Variants in DMD observed in about 807,000 individuals in gnomAD.
DMD encodes mutant dystrophin.
DMD carries 63 observed loss-of-function variants against 330.1 expected under a neutral mutation model. The observed-to-expected ratio is 0.19, with a 90% CI of 0.16 to 0.24. The LOEUF is 0.24. Ranked by LOEUF, DMD falls within the 10% of genes least tolerant of loss-of-function variation. DMD has a pLI of 1.00. For missense variants in DMD, 3,344 were observed against 2,684.1 expected, an observed-to-expected ratio of 1.25 and a Z score of -5.43; for synonymous variants, 1,223 against 959.8, an observed-to-expected ratio of 1.27 and a Z score of -5.07.
At chrX:31,940,631 A>C (rs776923739) in intron 45 of DMD, among the ~76,000 whole-genome samples, 1 of 110,894 alleles carries the variant, frequency 9.0e-6, no homozygotes, top group Non-Finnish European at 1.9e-5. Context: ...AATTTTTGTA[A>C]AGTTTGCATG....
At chrX:32,184,074 G>A (rs2096937103) in intron 44 of DMD, among the ~76,000 whole-genome samples, 2 of 109,789 alleles carry the variant, frequency 1.8e-5, no homozygotes, top group Non-Finnish European at 3.8e-5. Flanking sequence ...TGTAAATATC[G>A]ATATCTTAAA....
At chrX:32,560,475 T>C (rs2050864216) in intron 16 of DMD, among the ~76,000 whole-genome samples, 1 of 110,834 alleles carries the variant, frequency 9.0e-6, no homozygotes, top group African/African-American at 3.3e-5. Context: ...GTACACGTAT[T>C]GGATGTGTAG....
chrX:31,301,986 C>T (rs745822534), intron 62 of DMD, among the ~76,000 whole-genome samples: 1 of 111,494 alleles, frequency 9.0e-6, no homozygotes, highest in Non-Finnish European at 1.9e-5. Context: ...ATGCCTCTGC[C>T]CGACACTCAA....
At chrX:32,357,660 T>TACACACACACACACACACAC (rs3044986) in intron 37 of DMD, among the ~76,000 whole-genome samples, 16 of 94,866 alleles carry the variant, frequency 1.7e-4, no homozygotes, top group African/African-American at 5.1e-4. Context: ...CATACACAGA[T>TACACACACACACACACACAC]ACACACACAC....
chrX:32,375,750 T>C (rs1348313495), intron 34 of DMD, among the ~76,000 whole-genome samples: 2 of 111,733 alleles, frequency 1.8e-5, no homozygotes, highest in African/African-American at 6.5e-5. Flanking sequence ...AACTAAATAA[T>C]GTATATTTCT....
intron 2 of DMD, among the ~76,000 whole-genome samples, chrX:32,851,559 G>A (rs758336409): frequency 2.7e-5 from 3 of 112,352 alleles, no homozygotes; most frequent in South Asian, 3.7e-4. Context: ...TGAACAGATA[G>A]CCACACAAGC....
At chrX:31,889,788 A>G (rs1603540436) in intron 47 of DMD, among the ~76,000 whole-genome samples, 1 of 109,301 alleles carries the variant, frequency 9.1e-6, no homozygotes, top group African/African-American at 3.3e-5. Flanking sequence ...AGCACTAAAC[A>G]AGGGCTACTT....
chrX:32,033,828 T>C (rs1453280907), intron 44 of DMD, among the ~76,000 whole-genome samples: 1 of 111,832 alleles, frequency 8.9e-6, no homozygotes, highest in East Asian at 2.8e-4. Context: ...TTATACCTTA[T>C]AAATATTAAA....
At chrX:32,981,552 T>C (rs1436070767) in intron 2 of DMD, among the ~76,000 whole-genome samples, 2 of 111,915 alleles carry the variant, frequency 1.8e-5, no homozygotes, top group African/African-American at 6.5e-5. Context: ...CTTATTAATA[T>C]TAATCCCCTA....
At chrX:31,287,310 C>G (rs1055844299) in intron 62 of DMD, among the ~76,000 whole-genome samples, 7 of 111,792 alleles carry the variant, frequency 6.3e-5, no homozygotes, top group African/African-American at 2.3e-4. Context: ...TCATTAGACC[C>G]CAATCTGAAA....
In DMD at chrX:31,251,895, G is replaced by C. The variant is rs375086566; in HGVS notation, c.9286+9060C>G. The stretch of plus-strand genomic sequence containing the variant: ...GTAACCTTAATGTTCCTCTTATTTA[G>C]ATCAGTAAACTACAATTTGGCAGCT... On this transcript the variant is annotated intron_variant, in intron 63 of 78. Coordinates refer to ENST00000357033, the MANE Select transcript of DMD (RefSeq NM_004006.3). 5.3e-5 allele frequency among the ~76,000 whole-genome samples: 6 copies of C among 112,341 alleles called. No homozygotes were observed. In the East Asian group the frequency reaches 1.4e-3, roughly 26 times the overall value.
chrX:32,843,063 C>G (rs929778860), intron 4 of DMD, among the ~76,000 whole-genome samples: 1 of 112,079 alleles, frequency 8.9e-6, no homozygotes, highest in African/African-American at 3.2e-5. Context: ...CAGCCTCGGC[C>G]TCCCACAGTG....
intron 53 of DMD, among the ~76,000 whole-genome samples, chrX:31,678,877 A>G (rs2082226207): frequency 8.9e-6 from 1 of 111,907 alleles, no homozygotes; most frequent in Non-Finnish European, 1.9e-5. Context: ...AGATTACTAA[A>G]CAAAATTAAC....
At chrX:31,476,260 AG>A (rs1399109055) in intron 59 of DMD, among the ~76,000 whole-genome samples, 4 of 106,744 alleles carry the variant, frequency 3.7e-5, no homozygotes, top group Middle Eastern at 5.0e-3. Flanking sequence ...TAGACAACGT[AG>A]GGGGATCCAG....
rs139051334 is a variant in DMD, at chrX:33,062,104, G to T, written c.32-41904C>A. 1.7e-4 allele frequency among the ~76,000 whole-genome samples: 19 copies of T among 111,705 alleles called. No individual in the cohort carries two copies. The East Asian group carries it at 5.4e-3, about 32-fold the overall frequency. ...TTGATTATTGTCCATATAAATAGAC[G>T]GTAAGAAAATACACATTTTCAGTAT... On this transcript the variant is annotated intron_variant, in intron 1 of 78. Transcript: ENST00000357033.
At chrX:31,153,702 T>C (rs1190873657) in intron 74 of DMD, among the ~76,000 whole-genome samples, 1 of 111,888 alleles carries the variant, frequency 8.9e-6, no homozygotes, top group Admixed American at 9.5e-5. Flanking sequence ...CAAGCCTTAA[T>C]TCATCAGGCC....
chrX:32,786,924 A>C (rs969301867), intron 7 of DMD, among the ~76,000 whole-genome samples: 2 of 107,738 alleles, frequency 1.9e-5, no homozygotes, highest in African/African-American at 6.8e-5. Flanking sequence ...CCCAGCACTT[A>C]ATGTTTAATA....
chrX:32,819,535 G>A (rs887429947), intron 5 of DMD, among the ~76,000 whole-genome samples: 2 of 111,739 alleles, frequency 1.8e-5, no homozygotes, highest in South Asian at 3.7e-4. Context: ...GTTCAAACCT[G>A]CCTATGTTAC....
At chrX:32,037,150 T>C (rs1309791643) in intron 44 of DMD, among the ~76,000 whole-genome samples, 1 of 111,945 alleles carries the variant, frequency 8.9e-6, no homozygotes, top group Non-Finnish European at 1.9e-5. Flanking sequence ...ACTTCAAGGG[T>C]TGTTTTAATG....
Sources: allele counts gnomAD v4.1 joint callset (sites outside exome capture counted in the v4.1 genomes callset), GRCh38; gene constraint gnomAD v4.1.1; transcripts MANE v1.5; gene names NCBI Gene and HGNC (gene_info 2026-07-23, HGNC 2026-07-21).